The following PDE8B variants were observed in gnomAD, a reference collection of about 807,000 sequenced individuals.
PDE8B encodes high affinity cAMP-specific and IBMX-insensitive 3',5'-cyclic phosphodiesterase 8B.
A neutral mutation model predicts 101.3 loss-of-function variants in PDE8B; 26 were observed. The observed-to-expected ratio is 0.26, with a 90% CI of 0.19 to 0.36. The LOEUF is 0.36. PDE8B is among the 10% of genes least tolerant of loss of function. The probability of loss-of-function intolerance (pLI) is 1.00; values close to 1 mark genes in which losing one functional copy is unlikely to be tolerated. For missense variants in PDE8B, 810 were observed against 1,163.1 expected (o/e 0.70, Z 4.42); for synonymous variants, 424 against 429.3 (o/e 0.99, Z 0.15).
At chr5:77,112,811 C>G in the PDE8B span, 1 of 152,192 alleles carries the variant, frequency 6.6e-6, no homozygotes. Flanking sequence ...TAAGCAACTT[C>G]AGCAAAGTCT....
intron 3 of PDE8B, among the ~76,000 whole-genome samples, chr5:77,326,963 A>C (rs1015104918): frequency 6.6e-6 from 1 of 152,246 alleles, no homozygotes; most frequent in African/African-American, 2.4e-5. Flanking sequence ...TTTTCTTTGA[A>C]TATAAATAAA....
chr5:77,216,774 A>C (rs1375196094), intron 1 of PDE8B, among the ~76,000 whole-genome samples: 1 of 152,172 alleles, frequency 6.6e-6, no homozygotes, highest in Admixed American at 6.5e-5. Flanking sequence ...CCTTTCATCA[A>C]GCTCCTGCTG....
the PDE8B span, among the ~76,000 whole-genome samples, chr5:77,094,639 G>C: frequency 6.6e-6 from 1 of 152,124 alleles, no homozygotes; most frequent in Non-Finnish European, 1.5e-5. Context: ...AGTCCATTTT[G>C]CATTGCTATC....
chr5:77,211,400 A>G lies in PDE8B; in HGVS notation c.339+136A>G. 1 of 797,032 alleles carries G rather than the reference A, an allele frequency of 1.3e-6. No homozygotes were observed. Among genetic ancestry groups the G allele is most frequent in the Non-Finnish European group, 1.9e-6 (1 of 528,010 alleles). The allele number at this position is 797,032 out of a possible 1,614,324, so 49.4% of individuals were successfully genotyped here. A position where few individuals can be genotyped will look rare whatever the true frequency, so the allele number is the denominator to read the frequency against. ...AGAGGTTGTCACTAAGGAGGAGTTT[A>G]CTTTTCATTTGTGGAGATGATGGGA... is the stretch of plus-strand genomic sequence containing the variant. On this transcript the variant is annotated intron_variant, in intron 1 of 21. Transcript: ENST00000264917. The surrounding 1 kb of genome is among the most constrained non-coding windows in gnomAD (Gnocchi z 4.1).
At chr5:77,407,759 G>T (rs1225633246) in intron 13 of PDE8B, among the ~76,000 whole-genome samples, 4 of 152,154 alleles carry the variant, frequency 2.6e-5, no homozygotes, top group African/African-American at 9.7e-5. Context: ...TTACTCAGGA[G>T]AAGAAGGAAG....
At chr5:77,172,664 A>G in the PDE8B span, among the ~76,000 whole-genome samples, 1 of 152,238 alleles carries the variant, frequency 6.6e-6, no homozygotes, top group African/African-American at 2.4e-5. Context: ...AAATTCAGAA[A>G]TAAGACAGAA....
chr5:77,403,392 A>C (rs1220720846), intron 11 of PDE8B, among the ~76,000 whole-genome samples: 1 of 152,172 alleles, frequency 6.6e-6, no homozygotes, highest in Non-Finnish European at 1.5e-5. Context: ...ATTTGATGAA[A>C]TCCATCCTTA....
At chr5:77,166,227 A>T in the PDE8B span, among the ~76,000 whole-genome samples, 1 of 10,160 alleles carries the variant, frequency 9.8e-5, no homozygotes, top group Admixed American at 5.5e-4. Context: ...CGGTAAAGAT[A>T]AAAAAAAAAA....
intron 1 of PDE8B, among the ~76,000 whole-genome samples, chr5:77,212,780 G>T (rs1400324452): frequency 6.6e-6 from 1 of 152,106 alleles, no homozygotes. Context: ...CACAAAGTTA[G>T]CTTTAGGAGC....
intron 1 of PDE8B, among the ~76,000 whole-genome samples, chr5:77,247,546 C>T (rs991643532): frequency 2.3e-4 from 35 of 152,174 alleles, no homozygotes; most frequent in African/African-American, 8.2e-4. Context: ...GGCTGCTCTG[C>T]ATGTTCATCA....
intron 10 of PDE8B, among the ~76,000 whole-genome samples, chr5:77,385,364 T>C (rs1423419328): frequency 1.3e-5 from 2 of 152,166 alleles, no homozygotes; most frequent in African/African-American, 4.8e-5. Flanking sequence ...CTTCTCTCTT[T>C]TCTTCTTTAT....
intron 1 of PDE8B, among the ~76,000 whole-genome samples, chr5:77,263,600 C>G (rs1351648230): frequency 1.3e-5 from 2 of 152,112 alleles, no homozygotes; most frequent in African/African-American, 4.8e-5. Context: ...TGGTAATTAT[C>G]TCATGTGATT....
intron 1 of PDE8B, among the ~76,000 whole-genome samples, chr5:77,282,709 C>T (rs986588133): frequency 1.3e-5 from 2 of 151,912 alleles, no homozygotes; most frequent in Admixed American, 6.6e-5. Context: ...CTTCCGACAG[C>T]GAATTTGAGC....
chr5:77,409,079 G>A, intron 14 of PDE8B, 22 bp downstream of exon 14: 1 of 1,610,566 alleles, frequency 6.2e-7, no homozygotes, highest in South Asian at 1.1e-5. Flanking sequence ...GGCAAAACCT[G>A]AAAAGCAAGA....
At chr5:77,240,300 C>G (rs2149539591) in intron 1 of PDE8B, among the ~76,000 whole-genome samples, 1 of 152,252 alleles carries the variant, frequency 6.6e-6, no homozygotes, top group South Asian at 2.1e-4. Context: ...ACTACAGACG[C>G]CCGCCACCGC....
intron 1 of PDE8B, among the ~76,000 whole-genome samples, chr5:77,293,893 T>C (rs908949478): frequency 6.6e-6 from 1 of 152,160 alleles, no homozygotes; most frequent in Non-Finnish European, 1.5e-5. Context: ...GTTAATTGGG[T>C]GTTTGTTTTC....
chr5:77,313,940 G>A (rs937436963), intron 2 of PDE8B, among the ~76,000 whole-genome samples: 6 of 152,082 alleles, frequency 3.9e-5, no homozygotes, highest in African/African-American at 9.7e-5. Flanking sequence ...TATACACATC[G>A]TTCTTCATTC....
At chr5:77,209,276 C>G (rs1244824073), upstream of PDE8B, among the ~76,000 whole-genome samples, 1 of 152,036 alleles carries the variant, frequency 6.6e-6, no homozygotes, top group Non-Finnish European at 1.5e-5. Flanking sequence ...GGAATGATAT[C>G]TTGCTTCTCT....
At chr5:77,269,862 T>G (rs1212118762) in intron 1 of PDE8B, among the ~76,000 whole-genome samples, 1 of 152,230 alleles carries the variant, frequency 6.6e-6, no homozygotes, top group Non-Finnish European at 1.5e-5. Flanking sequence ...CCATGCTGTT[T>G]TGGTTACTAT....
Sources: gnomAD v4.1 joint callset for allele counts (sites outside exome capture counted in the v4.1 genomes callset) on GRCh38, gnomAD v4.1.1 for gene constraint, Gnocchi (gnomAD v3.1) non-coding constraint, MANE v1.5 for transcripts, NCBI Gene and HGNC (gene_info 2026-07-23, HGNC 2026-07-21) for gene names.